RORB: variants seen among roughly 807,000 people sequenced by gnomAD.
The protein encoded by RORB is nuclear receptor ROR-beta.
RORB carries 6 observed loss-of-function variants against 59.1 expected under a neutral mutation model. The ratio of observed to expected loss-of-function variants is 0.10; its 90% CI spans 0.06 to 0.20. The LOEUF (loss-of-function observed/expected upper bound fraction) is 0.20. Ranked by LOEUF, RORB falls within the 10% of genes least tolerant of loss-of-function variation. The probability of loss-of-function intolerance (pLI) is 1.00; values close to 1 mark genes in which losing one functional copy is unlikely to be tolerated. For missense variants in RORB, 320 were observed against 560.5 expected, an observed-to-expected ratio of 0.57 and a Z score of 4.33; for synonymous variants, 215 against 204.5, an observed-to-expected ratio of 1.05 and a Z score of -0.44.
rs1048449834 is a variant in RORB, at chr9:74,647,631, C to T, written c.637+4816C>T. The stretch of plus-strand genomic sequence containing the variant: ...TGCTTTCGTGTTCTATTTATAGAAC[C>T]TGGAATGTTAAGCATCATAAATAAA... On this transcript the variant is annotated intron_variant, in intron 4 of 9. Coordinates refer to ENST00000376896, the MANE Select transcript of RORB (RefSeq NM_006914.4). Among the ~76,000 whole-genome samples the T allele has an allele frequency of 2.6e-5, 4 of 151,908 alleles. No homozygotes were observed. In the East Asian group the frequency reaches 5.8e-4, roughly 22 times the overall value.
Position 74,606,682 on chromosome 9 carries a change from G to A in RORB, c.8-23600G>A, listed in dbSNP as rs149776002. Among the ~76,000 whole-genome samples the A allele has an allele frequency of 7.2e-3, 1,100 of 152,292 alleles. 17 individuals carry two copies. The highest frequency in any genetic ancestry group is 0.025 in the African/African-American group (1,043 of 41,556). ...GTATGTTCCTTAGAAGACGTAAGAT[G>A]AGAAACTCAACTCTTTCACTGGTTT... On this transcript the variant is annotated intron_variant, in intron 1 of 9. Transcript: ENST00000376896.
At chr9:74,569,592 T>C (rs1367606704) in intron 1 of RORB, among the ~76,000 whole-genome samples, 1 of 152,060 alleles carries the variant, frequency 6.6e-6, no homozygotes, top group Admixed American at 6.6e-5. Flanking sequence ...TAAAAACCAG[T>C]CACAAATACT....
At chr9:74,603,401 T>G (rs1230550038) in intron 1 of RORB, among the ~76,000 whole-genome samples, 2 of 152,154 alleles carry the variant, frequency 1.3e-5, no homozygotes, top group African/African-American at 4.8e-5. Flanking sequence ...ATGGGGAAAG[T>G]TGGACACAGA....
chr9:74,526,592 C>G (rs1319166088), intron 1 of RORB, among the ~76,000 whole-genome samples: 3 of 151,942 alleles, frequency 2.0e-5, no homozygotes, highest in Non-Finnish European at 4.4e-5. Flanking sequence ...AACTTCCTGT[C>G]AGCTACCAAA....
intron 4 of RORB, among the ~76,000 whole-genome samples, chr9:74,652,708 G>A (rs1431853418): frequency 1.3e-5 from 2 of 152,150 alleles, no homozygotes; most frequent in African/African-American, 4.8e-5. Context: ...GCCATTCGCT[G>A]ATATGTCAGT....
chr9:74,680,286 A>G (rs1824526358), intron 9 of RORB, among the ~76,000 whole-genome samples: 2 of 152,184 alleles, frequency 1.3e-5, no homozygotes, highest in African/African-American at 2.4e-5. Flanking sequence ...AAGCCTTCCG[A>G]ATTCTTCATC....
chr9:74,677,244 C>A (rs1016373357), intron 9 of RORB, among the ~76,000 whole-genome samples: 1 of 152,136 alleles, frequency 6.6e-6, no homozygotes, highest in Admixed American at 6.5e-5. Flanking sequence ...CTCAGGAAGA[C>A]GAGAAAGGGA....
chr9:74,515,509 A>G (rs1480509613), intron 1 of RORB, among the ~76,000 whole-genome samples: 3 of 151,896 alleles, frequency 2.0e-5, no homozygotes, highest in African/African-American at 7.3e-5. Flanking sequence ...CCCCTTTTTC[A>G]ATGGGAGCTA....
intron 1 of RORB, among the ~76,000 whole-genome samples, chr9:74,588,368 G>A (rs1204155149): frequency 6.6e-6 from 1 of 152,108 alleles, no homozygotes; most frequent in Non-Finnish European, 1.5e-5. Flanking sequence ...GTAAACATAT[G>A]GATATACTGT....
At chr9:74,645,615 T>TAAC (rs1456920112) in intron 4 of RORB, among the ~76,000 whole-genome samples, 3 of 152,202 alleles carry the variant, frequency 2.0e-5, no homozygotes, top group Non-Finnish European at 2.9e-5. Flanking sequence ...GTTATTTTAA[T>TAAC]TGACTATTAG....
intron 9 of RORB, among the ~76,000 whole-genome samples, chr9:74,678,455 G>C (rs910834115): frequency 6.6e-6 from 1 of 152,084 alleles, no homozygotes; most frequent in Admixed American, 6.5e-5. Flanking sequence ...AGAGAAGCAT[G>C]TCTTTCTATT....
intron 9 of RORB, among the ~76,000 whole-genome samples, chr9:74,684,356 T>C (rs1337620464): frequency 6.6e-6 from 1 of 152,226 alleles, no homozygotes; most frequent in Admixed American, 6.5e-5. Context: ...AGGTTTTGTT[T>C]AACTGTATTT....
intron 1 of RORB, among the ~76,000 whole-genome samples, chr9:74,609,402 TCTCAA>T (rs1823200001): frequency 6.6e-6 from 1 of 152,166 alleles, no homozygotes; most frequent in Admixed American, 6.5e-5. Flanking sequence ...TCATTCTGAT[TCTCAA>T]CTCAAAGGAT....
At chr9:74,543,599 G>C (rs145784086) in intron 1 of RORB, among the ~76,000 whole-genome samples, 1 of 144,314 alleles carries the variant, frequency 6.9e-6, no homozygotes, top group Non-Finnish European at 1.6e-5. Flanking sequence ...CAAGGAATTT[G>C]AGTTTAATTT....
chr9:74,692,181 T>C lies in RORB; in HGVS notation c.*6563T>C, dbSNP rs1249692611. 1 of 151,832 alleles carries C rather than the reference T, an allele frequency of 6.6e-6. No homozygotes were observed. Among genetic ancestry groups the C allele is most frequent in the Non-Finnish European group, 1.5e-5 (1 of 67,960 alleles). The allele number at this position is 151,832 out of a possible 1,614,324, so 9.4% of individuals were successfully genotyped here. On this transcript the variant is annotated 3_prime_UTR_variant, in exon 10 of 10. Coordinates refer to ENST00000376896, the MANE Select transcript of RORB (RefSeq NM_006914.4). ...ATGTTGTAAAGAACCTAGGGGAGGG[T>C]TGGGGAGAGACTGAGAGGGAGGAAA...
At chr9:74,551,877 A>T (rs780494054) in intron 1 of RORB, among the ~76,000 whole-genome samples, 3 of 152,206 alleles carry the variant, frequency 2.0e-5, no homozygotes, top group South Asian at 2.1e-4. Context: ...TCATACCAAA[A>T]ATATGGTATC....
At chr9:74,503,043 A>G (rs1251884649) in intron 1 of RORB, among the ~76,000 whole-genome samples, 3 of 152,106 alleles carry the variant, frequency 2.0e-5, no homozygotes, top group Non-Finnish European at 4.4e-5. Flanking sequence ...AGTAAATATT[A>G]GAAATGGAAA....
At chr9:74,615,561 A>G (rs3904058) in intron 1 of RORB, 366,936 of 451,254 alleles carry the variant, frequency 0.81, 150,338 homozygotes, top group East Asian at 0.93. Flanking sequence ...AGTGAAAAGT[A>G]TCATATTTTT....
intron 8 of RORB, 83 bp downstream of exon 8, chr9:74,667,984 T>C: frequency 2.4e-6 from 2 of 820,580 alleles, no homozygotes; most frequent in Non-Finnish European, 4.2e-6. Context: ...TAAGCCAAAG[T>C]GTTCAGGAGA....
Sources: gnomAD v4.1 joint callset for allele counts (sites outside exome capture counted in the v4.1 genomes callset) on GRCh38, gnomAD v4.1.1 for gene constraint, MANE v1.5 for transcripts, NCBI Gene and HGNC (gene_info 2026-07-23, HGNC 2026-07-21) for gene names.